Variants in RAB6B observed in about 807,000 individuals in gnomAD.
RAB6B encodes RAB6B, member RAS oncogene family, also known as ras-related protein Rab-6B.
A neutral mutation model predicts 31.2 loss-of-function variants in RAB6B; 7 were observed. The observed-to-expected ratio is 0.22, with a 90% CI of 0.13 to 0.42. The LOEUF (loss-of-function observed/expected upper bound fraction) is 0.42. Ranked by LOEUF, RAB6B falls within the 10% of genes least tolerant of loss-of-function variation. RAB6B has a pLI of 1.00. For synonymous variants in RAB6B, 105 were observed against 104.9 expected (o/e 1.00, Z -0.01); for missense variants, 149 against 280.6 (o/e 0.53, Z 3.35).
chr3:133,844,419 C>T (rs979244754), intron 2 of RAB6B, among the ~76,000 whole-genome samples: 12 of 152,170 alleles, frequency 7.9e-5, no homozygotes, highest in African/African-American at 2.9e-4. Flanking sequence ...TCTGACCAGG[C>T]CACTGAGCCA....
rs138321980 is a variant in RAB6B at position 133,880,399 on chromosome 3, G to A, written c.70+14998C>T. The stretch of plus-strand genomic sequence containing the variant: ...CAGCTGAGACCCAGTCAGAAGGTCT[G>A]TGACAAGGCCAATGGGCCCGTAACA... On this transcript the variant is annotated intron_variant, in intron 1 of 7. Coordinates refer to ENST00000285208, the MANE Select transcript of RAB6B (RefSeq NM_016577.4). 2.2e-3 allele frequency among the ~76,000 whole-genome samples: 335 copies of A among 152,352 alleles called. 1 individual carries two copies. Among genetic ancestry groups the A allele is most frequent in the African/African-American group, 7.2e-3 (301 of 41,576 alleles).
chr3:133,876,681 C>G (rs907962963), intron 1 of RAB6B, among the ~76,000 whole-genome samples: 1 of 152,144 alleles, frequency 6.6e-6, no homozygotes, highest in Non-Finnish European at 1.5e-5. Flanking sequence ...GGAGATAAAA[C>G]TATATCAATT....
At chr3:133,838,833 G>A (rs1024434286) in intron 5 of RAB6B, among the ~76,000 whole-genome samples, 3 of 152,198 alleles carry the variant, frequency 2.0e-5, no homozygotes, top group Admixed American at 6.5e-5. Flanking sequence ...TGATTCCTCA[G>A]GTGGTCAAGG....
rs1480481785 is a variant in RAB6B at position 133,895,672 on chromosome 3, G to A, written c.-206C>T. 2 of 593,634 alleles carry A rather than the reference G, an allele frequency of 3.4e-6. No homozygotes were observed. Among genetic ancestry groups the A allele is most frequent in the South Asian group, 2.1e-5 (1 of 48,356 alleles). The allele number at this position is 593,634 out of a possible 1,614,324, so 36.8% of individuals were successfully genotyped here. A position where few individuals can be genotyped will look rare whatever the true frequency, so the allele number is the denominator to read the frequency against. Reference sequence around the variant, plus strand: ...GGCGGAGGAGGAGGAGGAGAGAGAGGCGGAGGCGGAGGAAGGCTGGGGCTG... The same window carrying A: ...GGCGGAGGAGGAGGAGGAGAGAGAGACGGAGGCGGAGGAAGGCTGGGGCTG... On this transcript the variant is annotated 5_prime_UTR_variant, in exon 1 of 8. Coordinates refer to ENST00000285208, the MANE Select transcript of RAB6B (RefSeq NM_016577.4).
chr3:133,886,599 G>A (rs936553593), intron 1 of RAB6B, among the ~76,000 whole-genome samples: 3 of 152,076 alleles, frequency 2.0e-5, no homozygotes, highest in African/African-American at 7.2e-5. Flanking sequence ...GAGTCAAAGG[G>A]TCCTTCCATC....
intron 1 of RAB6B, among the ~76,000 whole-genome samples, chr3:133,871,722 G>A (rs1483628149): frequency 1.3e-5 from 2 of 152,232 alleles, no homozygotes; most frequent in Non-Finnish European, 2.9e-5. Flanking sequence ...GAGAGCAGGG[G>A]GCAGAGCACA....
chr3:133,886,159 C>CA (rs1265259811), intron 1 of RAB6B, among the ~76,000 whole-genome samples: 4 of 152,228 alleles, frequency 2.6e-5, no homozygotes, highest in Non-Finnish European at 5.9e-5. Context: ...CCAAGCCTTT[C>CA]ACTGCCTGGG....
At chr3:133,834,902 A>G in intron 6 of RAB6B, among the ~76,000 whole-genome samples, 1 of 152,226 alleles carries the variant, frequency 6.6e-6, no homozygotes, top group South Asian at 2.1e-4. Flanking sequence ...CAGACTGGCC[A>G]TAGGGTCACT....
chr3:133,881,013 C>G (rs1472783392), intron 1 of RAB6B, among the ~76,000 whole-genome samples: 1 of 152,198 alleles, frequency 6.6e-6, no homozygotes, highest in Non-Finnish European at 1.5e-5. Context: ...GCCAGGAGGC[C>G]CACTGTGTCT....
At chr3:133,890,604 G>A (rs1936623978) in intron 1 of RAB6B, among the ~76,000 whole-genome samples, 2 of 152,106 alleles carry the variant, frequency 1.3e-5, no homozygotes, top group Non-Finnish European at 2.9e-5. Context: ...AAAGCAGCAG[G>A]TGTCAGGAAT....
In RAB6B at chr3:133,877,468, C is replaced by G. The variant is rs140371244; in HGVS notation, c.71-12826G>C. 3.5e-3 allele frequency among the ~76,000 whole-genome samples: 531 copies of G among 152,282 alleles called. 1 individual carries two copies. The highest frequency in any genetic ancestry group is 0.012 in the African/African-American group (492 of 41,554). ...ATGCTGGGGAGAGTCCTCAGAAGGG[C>G]TGGGCCTCACAGTGGGTAATAATTA... On this transcript the variant is annotated intron_variant, in intron 1 of 7. Coordinates refer to ENST00000285208, the MANE Select transcript of RAB6B (RefSeq NM_016577.4).
intron 1 of RAB6B, among the ~76,000 whole-genome samples, chr3:133,889,415 T>C (rs1936601948): frequency 3.5e-5 from 2 of 57,522 alleles, no homozygotes; most frequent in Non-Finnish European, 7.0e-5. Context: ...TATATATATA[T>C]ATATATATAT....
At chr3:133,848,458 T>G (rs1170092992) in intron 2 of RAB6B, among the ~76,000 whole-genome samples, 4 of 152,266 alleles carry the variant, frequency 2.6e-5, no homozygotes, top group African/African-American at 9.6e-5. Flanking sequence ...GCAGGCAGGA[T>G]GTCTTAGTCC....
intron 2 of RAB6B, among the ~76,000 whole-genome samples, chr3:133,864,184 GAGAGAGAAGGTCCCAGCA>G (rs1344054174): frequency 1.5e-3 from 233 of 151,274 alleles, no homozygotes; most frequent in African/African-American, 5.6e-3. Flanking sequence ...GGGGGTGAGA[GAGAGAGAAGGTCCCAGCA>G]AACATAACCA....
intron 1 of RAB6B, among the ~76,000 whole-genome samples, chr3:133,889,403 T>TATAC (rs1936600745): frequency 3.6e-5 from 1 of 27,628 alleles, no homozygotes; most frequent in African/African-American, 2.0e-4. Flanking sequence ...TATATATATA[T>TATAC]ATATATATAT....
At chr3:133,883,067 T>C (rs1936491290) in intron 1 of RAB6B, among the ~76,000 whole-genome samples, 1 of 152,188 alleles carries the variant, frequency 6.6e-6, no homozygotes, top group South Asian at 2.1e-4. Context: ...GTTTGCTCTG[T>C]TCACAGAAGT....
At chr3:133,842,330 G>A (rs755710050) in intron 2 of RAB6B, among the ~76,000 whole-genome samples, 5 of 152,228 alleles carry the variant, frequency 3.3e-5, no homozygotes, top group African/African-American at 4.8e-5. Flanking sequence ...CCAGCCTTGT[G>A]GCCAGATGGC....
intron 1 of RAB6B, among the ~76,000 whole-genome samples, chr3:133,869,312 T>C (rs1313895743): frequency 6.6e-6 from 1 of 152,144 alleles, no homozygotes; most frequent in Non-Finnish European, 1.5e-5. Context: ...GCAAACATTG[T>C]TCATGGAAGC....
At chr3:133,829,158 A>T (rs745575829) in intron 7 of RAB6B, among the ~76,000 whole-genome samples, 6 of 152,190 alleles carry the variant, frequency 3.9e-5, no homozygotes, top group Non-Finnish European at 7.3e-5. Context: ...ACCAGTGCTC[A>T]AATGCCAGCT....
Sources: allele counts gnomAD v4.1 joint callset (sites outside exome capture counted in the v4.1 genomes callset), GRCh38; gene constraint gnomAD v4.1.1; transcripts MANE v1.5; gene names NCBI Gene and HGNC (gene_info 2026-07-23, HGNC 2026-07-21).